TNRC6A: variants seen among roughly 807,000 people sequenced by gnomAD.
TNRC6A encodes the protein trinucleotide repeat containing adaptor 6A.
Under a neutral mutation model 221.2 loss-of-function variants are expected in TNRC6A, and 44 were observed. The observed-to-expected ratio is 0.20, with a 90% CI of 0.16 to 0.26. The LOEUF (loss-of-function observed/expected upper bound fraction) is 0.26, where lower values mean the gene tolerates loss of function less well. TNRC6A is among the 10% of genes least tolerant of loss of function. TNRC6A has a pLI of 1.00. For synonymous variants in TNRC6A, 847 were observed against 838.5 expected, an observed-to-expected ratio of 1.01 and a Z score of -0.18; for missense variants, 2,199 against 2,404.4, an observed-to-expected ratio of 0.91 and a Z score of 1.79.
chr16:24,681,286 G>A (rs367736571), intron 2 of TNRC6A, among the ~76,000 whole-genome samples: 164 of 152,216 alleles, frequency 1.1e-3, no homozygotes, highest in African/African-American at 3.9e-3. Flanking sequence ...GGAGAGCAGT[G>A]GCGTGATCTC....
At position 24,815,238 on chromosome 16, in the gene TNRC6A, T is replaced by G. The variant is rs759433423; in HGVS notation, c.4764T>G (p.Gly1588=). 4 of 1,614,100 alleles carry G rather than the reference T, an allele frequency of 2.5e-6. No individual in the cohort carries two copies. The highest frequency in any genetic ancestry group is 3.3e-5 in the Admixed American group (2 of 60,016). The change falls in exon 19 of 25, where the codon GGT becomes GGG. Residue 1588 remains glycine (G), a synonymous_variant. Coordinates refer to ENST00000395799, the MANE Select transcript of TNRC6A (RefSeq NM_014494.4). ...NSSTSPASPP[G]SIGDGWPRAK... ...GTACTTCACCAGCCAGTCCTCCAGG[T>G]TCAATAGGAGATGGCTGGCCACGTG...
chr16:24,689,466 C>T (rs1183060938), intron 2 of TNRC6A, among the ~76,000 whole-genome samples: 2 of 152,202 alleles, frequency 1.3e-5, no homozygotes, highest in Admixed American at 6.5e-5. Flanking sequence ...GAGAATTCTT[C>T]CTCAGACTCC....
At chr16:24,776,779 A>G in intron 4 of TNRC6A, 154 bp from the exon 5 acceptor site, 1 of 985,430 alleles carries the variant, frequency 1.0e-6, no homozygotes. Flanking sequence ...TCTCCTAACA[A>G]AATTTGAGCC....
chr16:24,815,384 G>A, intron 19 of TNRC6A, 79 bp downstream of exon 19: 4 of 1,521,032 alleles, frequency 2.6e-6, no homozygotes, highest in Non-Finnish European at 3.6e-6. Context: ...TACTACTGAT[G>A]TAGCCCAGAT....
rs529543288 is a variant in TNRC6A, at chr16:24,740,621, A to G, written c.54-10105A>G. On this transcript the variant is annotated intron_variant, in intron 2 of 24. Transcript: ENST00000395799. ...CACTGCTACTGTATAGAAATACAGTAGATTTTTTTTAAAGTTTTTTAAAAA... is the reference window on the plus strand; with the variant it reads ...CACTGCTACTGTATAGAAATACAGTGGATTTTTTTTAAAGTTTTTTAAAAA... Among the ~76,000 whole-genome samples the G allele has an allele frequency of 3.3e-5, 5 of 152,314 alleles. No individual in the cohort carries two copies. In the East Asian group the frequency reaches 9.6e-4, roughly 29 times the overall value.
At chr16:24,795,709 T>G (rs1596745833) in intron 8 of TNRC6A, 198 bp from the exon 9 acceptor site, 1 of 461,770 alleles carries the variant, frequency 2.2e-6, no homozygotes, top group East Asian at 3.3e-5. Context: ...TTTACATGTT[T>G]TACATAAGTC....
At position 24,790,205 on chromosome 16, in the gene TNRC6A, A is replaced by C; in HGVS notation, c.1563A>C (p.Thr521=). The change falls in exon 6 of 25, where the codon ACA becomes ACC. Residue 521 remains threonine (T), a synonymous_variant. Transcript: ENST00000395799. ...ESKSGGSYGT[T]WGAYGSNYSG... Reference sequence around the variant, plus strand: ...AAAGTGGAGGCTCTTATGGTACTACATGGGGTGCCTATGGTTCTAATTACT... The same window carrying C: ...AAAGTGGAGGCTCTTATGGTACTACCTGGGGTGCCTATGGTTCTAATTACT... 2 of 1,614,202 alleles carry C rather than the reference A, an allele frequency of 1.2e-6. No individual in the cohort carries two copies. Among genetic ancestry groups the C allele is most frequent in the East Asian group, 4.5e-5 (2 of 44,888 alleles).
At chr16:24,627,539 G>A (rs754966855) in intron 1 of TNRC6A, among the ~76,000 whole-genome samples, 1 of 151,886 alleles carries the variant, frequency 6.6e-6, no homozygotes, top group African/African-American at 2.4e-5. Context: ...TGGATTTCCC[G>A]CAGGCTTCCT....
At chr16:24,676,872 G>C (rs2055429817) in intron 2 of TNRC6A, among the ~76,000 whole-genome samples, 1 of 151,930 alleles carries the variant, frequency 6.6e-6, no homozygotes. Context: ...TTTTATTTTT[G>C]CTTGTTCCTT....
intron 2 of TNRC6A, among the ~76,000 whole-genome samples, chr16:24,714,018 T>C (rs996084483): frequency 1.4e-4 from 21 of 152,194 alleles, no homozygotes; most frequent in African/African-American, 4.6e-4. Flanking sequence ...TGTGGGTATG[T>C]GTGTGTCTGT....
chr16:24,814,666 G>A (rs1397668601), intron 18 of TNRC6A, among the ~76,000 whole-genome samples: 3 of 152,210 alleles, frequency 2.0e-5, no homozygotes, highest in East Asian at 3.9e-4. Flanking sequence ...GCCTGCCTCA[G>A]CCTCCCAAAG....
chr16:24,791,947 T>A (rs545336054), intron 6 of TNRC6A, 130 bp downstream of exon 6: 1 of 1,017,014 alleles, frequency 9.8e-7, no homozygotes, highest in East Asian at 3.0e-5. Context: ...TGAAAAAAAT[T>A]ATAGGGGTGA....
At chr16:24,664,733 C>T (rs901469308) in intron 2 of TNRC6A, 1 of 201,018 alleles carries the variant, frequency 5.0e-6, no homozygotes, top group African/African-American at 2.4e-5. Flanking sequence ...GATCAGAAGA[C>T]TCTTGTGTAT....
intron 3 of TNRC6A, among the ~76,000 whole-genome samples, chr16:24,753,576 AAAG>A (rs1382210334): frequency 6.6e-6 from 1 of 152,214 alleles, no homozygotes; most frequent in African/African-American, 2.4e-5. Flanking sequence ...CTTGAAAAGA[AAAG>A]AAAACCCCCA....
intron 2 of TNRC6A, among the ~76,000 whole-genome samples, chr16:24,746,589 G>A (rs553338712): frequency 8.5e-5 from 13 of 152,282 alleles, no homozygotes; most frequent in Admixed American, 2.0e-4. Context: ...TTATGCTGCG[G>A]TGTCTATCTT....
At chr16:24,786,688 G>A (rs577370670) in intron 5 of TNRC6A, among the ~76,000 whole-genome samples, 3 of 149,352 alleles carry the variant, frequency 2.0e-5, no homozygotes, top group African/African-American at 7.4e-5. Flanking sequence ...TTTTGTTGTT[G>A]TTTTTGTGTT....
intron 1 of TNRC6A, among the ~76,000 whole-genome samples, chr16:24,633,050 G>T (rs1160408374): frequency 1.3e-5 from 2 of 150,690 alleles, no homozygotes; most frequent in Non-Finnish European, 2.9e-5. Flanking sequence ...AACATAGTCT[G>T]CAAGGCCCTA....
In TNRC6A at chr16:24,783,351, A is replaced by T. The variant is rs778243334; in HGVS notation, c.590-5881A>T. Reference sequence around the variant, plus strand: ...ACTATGTTGGCCAGGCTGGTCTCGAACTCCTGACCTCAGGTAATATGCCCA... The same window carrying T: ...ACTATGTTGGCCAGGCTGGTCTCGATCTCCTGACCTCAGGTAATATGCCCA... On this transcript the variant is annotated intron_variant, in intron 5 of 24. Transcript: ENST00000395799. Among the ~76,000 whole-genome samples the T allele has an allele frequency of 3.3e-5, 5 of 152,052 alleles. No individual in the cohort carries two copies. The South Asian group carries it at 8.3e-4, about 25-fold the overall frequency.
intron 2 of TNRC6A, among the ~76,000 whole-genome samples, chr16:24,646,403 A>G (rs1270516267): frequency 1.3e-5 from 2 of 152,312 alleles, no homozygotes; most frequent in East Asian, 1.9e-4. Flanking sequence ...AATCCCATGC[A>G]CTGGTGGTGA....
Sources: allele counts gnomAD v4.1 joint callset (sites outside exome capture counted in the v4.1 genomes callset), GRCh38; gene constraint gnomAD v4.1.1; transcripts MANE v1.5; gene names NCBI Gene and HGNC (gene_info 2026-07-23, HGNC 2026-07-21).